TCF3: variants seen among roughly 807,000 people sequenced by gnomAD.
TCF3 encodes transcription factor 3.
In TCF3, 54 loss-of-function variants were observed where a neutral mutation model predicts 72.3. That is an observed-to-expected ratio of 0.75 (90% confidence interval 0.60 to 0.94). The LOEUF is 0.94. Ranked by LOEUF, TCF3 falls within the 40% of genes least tolerant of loss-of-function variation. TCF3 has a pLI of 0.00. For missense variants in TCF3, 1,078 were observed against 934.4 expected (o/e 1.15, Z -2.00); for synonymous variants, 525 against 412.6 (o/e 1.27, Z -3.30).
At chr19:1,648,167 G>A (rs1365218300) in intron 2 of TCF3, among the ~76,000 whole-genome samples, 2 of 152,222 alleles carry the variant, frequency 1.3e-5, no homozygotes, top group South Asian at 2.1e-4. Context: ...TTTATTTGGA[G>A]TTCCCTGTTC....
Position 1,621,852 on chromosome 19 carries a change from G to T in TCF3, c.941C>A (p.Ala314Asp). Residue 314 changes from alanine to aspartate, a missense_variant, in exon 11 of 19, where the codon GCC becomes GAC. Transcript: ENST00000262965. ...AGGGGCCATACCCAGGAGGCTGTCG[G>T]CCCCGCTGACAGGCGGCGTGTGGCT... ...VSSHTPPVSG[A>D]DSLLGSRGTT... 1 of 1,590,814 alleles carries T rather than the reference G, an allele frequency of 6.3e-7. No individual in the cohort carries two copies. The highest frequency in any genetic ancestry group is 1.8e-5 in the Admixed American group (1 of 56,126).
intron 18 of TCF3, chr19:1,612,078 G>A (rs2145726897): frequency 3.0e-6 from 3 of 988,768 alleles, no homozygotes; most frequent in East Asian, 5.2e-5. Flanking sequence ...ACATCACTGG[G>A]TCTGAGTCCA....
chr19:1,620,597 G>A (rs1343192277), intron 13 of TCF3, among the ~76,000 whole-genome samples: 1 of 152,226 alleles, frequency 6.6e-6, no homozygotes, highest in East Asian at 1.9e-4. Context: ...TGAACTGCCA[G>A]GTCCTGCCTC....
intron 13 of TCF3, 119 bp downstream of exon 13, chr19:1,620,849 A>C: frequency 9.7e-7 from 1 of 1,034,736 alleles, no homozygotes; most frequent in Non-Finnish European, 1.3e-6. Context: ...CTATCCCAGC[A>C]AGGTGCAGAC....
rs1235657339 is a variant in TCF3, at chr19:1,609,790, G to T, written c.*1917C>A. 1 of 231,316 alleles carries T rather than the reference G, an allele frequency of 4.3e-6. No individual in the cohort carries two copies. The highest frequency in any genetic ancestry group is 8.6e-6 in the Non-Finnish European group (1 of 116,944). 14.3% of individuals were successfully genotyped at this position (231,316 alleles called of 1,614,324 possible). A position where few individuals can be genotyped will look rare whatever the true frequency, so the allele number is the denominator to read the frequency against. ...GAGGTTTCCCTTGCATCTACCATGG[G>T]GCCCAGGCTCCCAAGCCAGTCTGGG... On this transcript the variant is annotated 3_prime_UTR_variant, in exon 19 of 19. Coordinates refer to ENST00000262965, the MANE Select transcript of TCF3 (RefSeq NM_003200.5).
At chr19:1,629,657 C>T (rs1178417536) in intron 5 of TCF3, among the ~76,000 whole-genome samples, 1 of 152,196 alleles carries the variant, frequency 6.6e-6, no homozygotes, top group Admixed American at 6.5e-5. Flanking sequence ...GAAGCAGGCA[C>T]CCCGATTACT....
intron 18 of TCF3, among the ~76,000 whole-genome samples, chr19:1,613,927 G>GC: frequency 6.6e-6 from 1 of 152,264 alleles, no homozygotes; most frequent in Non-Finnish European, 1.5e-5. Context: ...CCAAGGCTGA[G>GC]CCCCCTCTCC....
At chr19:1,619,641 G>A in intron 14 of TCF3, 139 bp downstream of exon 14, 5 of 1,261,628 alleles carry the variant, frequency 4.0e-6, no homozygotes, top group Non-Finnish European at 4.4e-6. Context: ...AAATGTGTGT[G>A]CCTTGGCGGC....
rs568960009 is a variant in TCF3, at chr19:1,621,773, C to A, written c.955+65G>T. Reference sequence around the variant, plus strand: ...CTCCCGTGGAGTCCTCGCCACCCCCCACCCAGACCCTGCCTGGAGCCCAGT... The same window carrying A: ...CTCCCGTGGAGTCCTCGCCACCCCCAACCCAGACCCTGCCTGGAGCCCAGT... On this transcript the variant is annotated intron_variant, in intron 11 of 18. Coordinates refer to ENST00000262965, the MANE Select transcript of TCF3 (RefSeq NM_003200.5). 5.4e-6 allele frequency: 8 copies of A among 1,480,910 alleles called. No individual in the cohort carries two copies. The African/African-American group carries it at 7.0e-5, about 13-fold the overall frequency. 91.7% of individuals were successfully genotyped at this position (1,480,910 alleles called of 1,614,324 possible).
chr19:1,651,515 T>C (rs924234685), intron 1 of TCF3, among the ~76,000 whole-genome samples: 2 of 152,218 alleles, frequency 1.3e-5, no homozygotes, highest in African/African-American at 2.4e-5. Flanking sequence ...AAGACAGACT[T>C]AGTTGGGGGG....
At position 1,650,208 on chromosome 19, in the gene TCF3, T is replaced by A; in HGVS notation, c.41A>T (p.Lys14Met). ...PQRMAPVGTD[K>M]ELSDLLDFSM... ...GAAGTCCAGGAGGTCACTGAGCTCC[T>A]TGTCTGTGCCCACAGGCGCCATCCT... Residue 14 changes from lysine to methionine, a missense_variant, in exon 2 of 19, where the codon AAG becomes ATG. Lys to Met is a moderately conservative substitution (Grantham distance 95). Transcript: ENST00000262965. 1 of 1,573,624 alleles carries A rather than the reference T, an allele frequency of 6.4e-7. No homozygotes were observed. Among genetic ancestry groups the A allele is most frequent in the Non-Finnish European group, 8.6e-7 (1 of 1,161,000 alleles).
intron 1 of TCF3, among the ~76,000 whole-genome samples, chr19:1,651,817 C>T (rs1361797540): frequency 6.7e-6 from 1 of 150,138 alleles, no homozygotes; most frequent in Non-Finnish European, 1.5e-5. Flanking sequence ...CCGGCCCGCC[C>T]GGCCCCGACC....
intron 3 of TCF3, among the ~76,000 whole-genome samples, chr19:1,645,711 A>G (rs1303846485): frequency 6.6e-6 from 1 of 152,078 alleles, no homozygotes; most frequent in Non-Finnish European, 1.5e-5. Flanking sequence ...GGCCACCCCC[A>G]GGACCCCACG....
intron 7 of TCF3, among the ~76,000 whole-genome samples, chr19:1,624,603 G>C (rs2062656816): frequency 6.6e-6 from 1 of 152,164 alleles, no homozygotes; most frequent in Admixed American, 6.5e-5. Flanking sequence ...ACGCAGTCAG[G>C]CTTCACCACT....
intron 8 of TCF3, among the ~76,000 whole-genome samples, 180 bp from the exon 9 acceptor site, chr19:1,622,595 T>C (rs2062382318): frequency 6.6e-6 from 1 of 152,214 alleles, no homozygotes; most frequent in Admixed American, 6.5e-5. Context: ...GTTCTTATGA[T>C]GTCCTGGTCT....
Position 1,646,408 on chromosome 19 carries a change from G to A in TCF3, c.92C>T (p.Thr31Ile). The A allele has an allele frequency of 6.5e-7, 1 of 1,550,274 alleles. No homozygotes were observed. The highest frequency in any genetic ancestry group is 8.7e-7 in the Non-Finnish European group (1 of 1,146,732). ...GGAGGCGGGCCGGCCCTTCCCGTTG[G>A]TGACAGGCAGCGGGAACATCTGCAG... ...DFSMMFPLPV[T>I]NGKGRPASLA... Residue 31 changes from threonine to isoleucine, a missense_variant, in exon 3 of 19, where the codon ACC (threonine) becomes ATC (isoleucine). By Grantham distance (89) the Thr-to-Ile change is moderately conservative. Transcript: ENST00000262965.
intron 3 of TCF3, among the ~76,000 whole-genome samples, chr19:1,641,650 G>A (rs548150671): frequency 1.9e-4 from 29 of 152,102 alleles, no homozygotes; most frequent in Admixed American, 1.6e-3. Context: ...ACGGGGTTTC[G>A]CCACGTTGAC....
chr19:1,626,760 G>A (rs1320933959), intron 6 of TCF3, among the ~76,000 whole-genome samples: 4 of 152,212 alleles, frequency 2.6e-5, no homozygotes, highest in African/African-American at 9.6e-5. Flanking sequence ...CTGGCACCCG[G>A]CTGGCCCCCT....
chr19:1,630,588 C>G (rs1173537075), intron 5 of TCF3, among the ~76,000 whole-genome samples: 1 of 152,208 alleles, frequency 6.6e-6, no homozygotes, highest in African/African-American at 2.4e-5. Context: ...TCCAGTGCCC[C>G]ACAGCTCCCG....
Sources: gnomAD v4.1 joint callset for allele counts (sites outside exome capture counted in the v4.1 genomes callset) on GRCh38, gnomAD v4.1.1 for gene constraint, MANE v1.5 for transcripts, NCBI Gene and HGNC (gene_info 2026-07-23, HGNC 2026-07-21) for gene names.